The following SCN9A variants were observed in gnomAD, a reference collection of about 807,000 sequenced individuals.
SCN9A encodes sodium voltage-gated channel alpha subunit 9, also known as sodium channel protein type 9 subunit alpha.
Under a neutral mutation model 187.0 loss-of-function variants are expected in SCN9A, and 131 were observed. The ratio of observed to expected loss-of-function variants is 0.70; its 90% CI spans 0.61 to 0.81. The LOEUF (loss-of-function observed/expected upper bound fraction) is 0.81. Ranked by LOEUF, SCN9A falls within the 30% of genes least tolerant of loss-of-function variation. The probability of loss-of-function intolerance (pLI) is 0.00; values close to 1 mark genes in which losing one functional copy is unlikely to be tolerated. For synonymous variants in SCN9A, 809 were observed against 808.6 expected (o/e 1.00, Z -0.01); for missense variants, 2,252 against 2,396.6 (o/e 0.94, Z 1.26).
chr2:166,350,005 A>T lies in SCN9A; in HGVS notation c.-51+25692T>A, dbSNP rs549052565. On this transcript the variant is annotated intron_variant, in intron 1 of 26. Transcript: ENST00000642356. ...AAATAAAAAATAAAAAATAAAAAAT[A>T]AAATAAAATTAACATGCTTGGTCTG... Among the ~76,000 whole-genome samples, 698 of 91,378 alleles carry T rather than the reference A, an allele frequency of 7.6e-3. 9 individuals carry two copies. Among genetic ancestry groups the T allele is most frequent in the African/African-American group, 0.033 (666 of 20,298 alleles). 59.9% of individuals were successfully genotyped at this position (91,378 alleles called of 152,430 possible). A position where few individuals can be genotyped will look rare whatever the true frequency, so the allele number is the denominator to read the frequency against.
rs2105227248 is a variant in SCN9A, at chr2:166,311,711, T to G, written c.46A>C (p.Thr16Pro). The stretch of plus-strand genomic sequence containing the variant: ...TCAATGAGGGCAAGAGACTGTTTTG[T>G]GAAATGGACAAAGCTCTGAGGTCCT... Reference protein sequence around the residue: ...PPGPQSFVHFTKQSLALIEQR... With the variant: ...PPGPQSFVHFPKQSLALIEQR... The change falls in exon 2 of 27, where the codon ACA (threonine) becomes CCA (proline). Residue 16 changes from threonine (T) to proline (P), a missense_variant. Thr to Pro is a conservative substitution (Grantham distance 38). Transcript: ENST00000642356. The G allele has an allele frequency of 6.2e-7, 1 of 1,612,010 alleles. No individual in the cohort carries two copies. The highest frequency in any genetic ancestry group is 2.2e-5 in the East Asian group (1 of 44,786).
At chr2:166,223,477 CAG>C (rs896453261) in intron 24 of SCN9A, among the ~76,000 whole-genome samples, 2 of 152,190 alleles carry the variant, frequency 1.3e-5, no homozygotes, top group Non-Finnish European at 2.9e-5. Flanking sequence ...AGTGAAGTAA[CAG>C]AAAAAATATT....
intron 18 of SCN9A, among the ~76,000 whole-genome samples, chr2:166,246,299 T>C: frequency 6.6e-6 from 1 of 151,848 alleles, no homozygotes; most frequent in South Asian, 2.1e-4. Flanking sequence ...ATTCTATACT[T>C]TACATAAACA....
At chr2:166,213,648 T>C (rs1477065674) in intron 24 of SCN9A, among the ~76,000 whole-genome samples, 1 of 152,138 alleles carries the variant, frequency 6.6e-6, no homozygotes, top group Non-Finnish European at 1.5e-5. Flanking sequence ...AGTCATTTTA[T>C]GGGGCCAGAA....
intron 1 of SCN9A, among the ~76,000 whole-genome samples, chr2:166,368,504 AT>A (rs1700471404): frequency 6.6e-6 from 1 of 152,058 alleles, no homozygotes. Context: ...ATGGTGGTAC[AT>A]GCCTGTAATC....
At chr2:166,247,324 T>C (rs1034572225) in intron 18 of SCN9A, among the ~76,000 whole-genome samples, 1 of 151,876 alleles carries the variant, frequency 6.6e-6, no homozygotes, top group Admixed American at 6.6e-5. Context: ...CAAATATAAC[T>C]AAAACAAATA....
chr2:166,284,516 G>A lies in SCN9A; in HGVS notation c.1911C>T (p.Leu637=), dbSNP rs532457688. 6.2e-7 allele frequency: 1 copy of A among 1,614,130 alleles called. No individual in the cohort carries two copies. The highest frequency in any genetic ancestry group is 1.1e-5 in the South Asian group (1 of 91,080). ...GCAGAAGCTGTCCATTGGGGAGCATGAGGGCTGAGCGTCCATCAACCAGGG... is the reference window on the plus strand; with the variant it reads ...GCAGAAGCTGTCCATTGGGGAGCATAAGGGCTGAGCGTCCATCAACCAGGG... ...VVSLVDGRSA[L]MLPNGQLLPE... The change falls in exon 12 of 27, where the codon CTC becomes CTT. Residue 637 remains leucine (L), a synonymous_variant. Coordinates refer to ENST00000642356, the MANE Select transcript of SCN9A (RefSeq NM_001365536.1).
intron 19 of SCN9A, among the ~76,000 whole-genome samples, chr2:166,241,190 T>C (rs1348980976): frequency 6.6e-6 from 1 of 152,124 alleles, no homozygotes; most frequent in Non-Finnish European, 1.5e-5. Flanking sequence ...GTTACAAAGT[T>C]CTTGAGTATT....
At position 166,199,353 on chromosome 2, in the gene SCN9A, A is replaced by C; in HGVS notation, c.5286T>G (p.Asn1762Lys). 2 of 1,614,200 alleles carry C rather than the reference A, an allele frequency of 1.2e-6. No individual in the cohort carries two copies. The highest frequency in any genetic ancestry group is 1.7e-6 in the Non-Finnish European group (2 of 1,180,030). Residue 1762 changes from asparagine to lysine, a missense_variant, in exon 27 of 27, where the codon AAT becomes AAG. Around this residue, in one of 7 missense-constraint regions of SCN9A, gnomAD observed 345 missense variants for 344.6 expected, o/e 1.00. Transcript: ENST00000642356. ...VNMYIAVILENFSVATEESTE... is the reference protein window; with the variant it reads ...VNMYIAVILEKFSVATEESTE... ...TACTTTCTTCAGTGGCAACACTAAA[A>C]TTCTCCAGTATGACTGCAATGTACA... is the stretch of plus-strand genomic sequence containing the variant.
intron 1 of SCN9A, among the ~76,000 whole-genome samples, chr2:166,335,304 G>A (rs1528487): frequency 0.25 from 38,666 of 152,108 alleles, 6,238 homozygotes; most frequent in Non-Finnish European, 0.37. Context: ...TTGCAAACTT[G>A]TGAACTTACA....
intron 1 of SCN9A, among the ~76,000 whole-genome samples, chr2:166,372,246 A>G (rs748419478): frequency 2.8e-4 from 43 of 152,190 alleles, no homozygotes; most frequent in Non-Finnish European, 5.7e-4. Flanking sequence ...AACCTTCCTT[A>G]GAGAATGCTT....
intron 1 of SCN9A, among the ~76,000 whole-genome samples, chr2:166,330,018 A>T (rs1370700589): frequency 6.6e-6 from 1 of 152,192 alleles, no homozygotes; most frequent in African/African-American, 2.4e-5. Flanking sequence ...ATATAGCTTC[A>T]TAAACTCTCT....
In SCN9A at chr2:166,272,820, G is replaced by C. The variant is rs1369602144; in HGVS notation, c.2930C>G (p.Thr977Arg). 6 of 1,518,524 alleles carry C rather than the reference G, an allele frequency of 4.0e-6. No homozygotes were observed. The highest frequency in any genetic ancestry group is 2.3e-5 in the Admixed American group (1 of 44,252). 94.1% of individuals were successfully genotyped at this position (1,518,524 alleles called of 1,614,324 possible). A position where few individuals can be genotyped will look rare whatever the true frequency, so the allele number is the denominator to read the frequency against. The change falls in exon 17 of 27, where the codon ACA becomes AGA. Residue 977 changes from threonine to arginine, a missense_variant. By Grantham distance (71) the Thr-to-Arg change is moderately conservative (BLOSUM62 -1). Transcript: ENST00000642356. The part of the protein sequence containing the change: ...LLSSFSSDNL[T>R]AIEEDPDANN... ...TGCATCAGGGTCTTCTTCAATTGCT[G>C]TAAGATTGTCTGAACTAAATGAGCT...
At chr2:166,259,513 T>C (rs980643063) in intron 17 of SCN9A, among the ~76,000 whole-genome samples, 1 of 151,812 alleles carries the variant, frequency 6.6e-6, no homozygotes, top group Non-Finnish European at 1.5e-5. Context: ...AACAGTTACA[T>C]AATTCTACTC....
Position 166,272,699 on chromosome 2 carries a change from C to T in SCN9A, c.3051G>A (p.Lys1017=). ...GTCTTATCTCCCTGGAAATCTTTGG[C>T]TTTTTGGAAAATGCTTTTAGAATAA... ...REFILKAFSK[K]PKISREIRQA... The change falls in exon 17 of 27, where the codon AAG becomes AAA. Residue 1017 remains lysine (K), a synonymous_variant. Coordinates refer to ENST00000642356, the MANE Select transcript of SCN9A (RefSeq NM_001365536.1). 2 of 1,596,902 alleles carry T rather than the reference C, an allele frequency of 1.3e-6. No homozygotes were observed. The highest frequency in any genetic ancestry group is 2.3e-5 in the South Asian group (2 of 88,086).
intron 1 of SCN9A, among the ~76,000 whole-genome samples, chr2:166,320,469 C>T (rs1699210974): frequency 6.6e-6 from 1 of 152,052 alleles, no homozygotes; most frequent in Admixed American, 6.6e-5. Context: ...ATTTGCAATT[C>T]ATTTTTATTA....
chr2:166,368,962 G>C (rs1463983465), intron 1 of SCN9A, among the ~76,000 whole-genome samples: 1 of 151,576 alleles, frequency 6.6e-6, no homozygotes, highest in Non-Finnish European at 1.5e-5. Flanking sequence ...ACTCCAGCCT[G>C]GGCAACAAGA....
At position 166,356,837 on chromosome 2, in the gene SCN9A, C is replaced by A. The variant is rs74778123; in HGVS notation, c.-51+18860G>T. Among the ~76,000 whole-genome samples, 450 of 152,276 alleles carry A rather than the reference C, an allele frequency of 3.0e-3. 2 individuals are homozygous for A. The highest frequency in any genetic ancestry group is 1.0e-2 in the African/African-American group (415 of 41,548). On this transcript the variant is annotated intron_variant, in intron 1 of 26. Transcript: ENST00000642356. ...AGCAGCTTCATAAAGTCCTATTGTACAGCTGTACCCAAATTATTTAGTCAT... is the reference window on the plus strand; with the variant it reads ...AGCAGCTTCATAAAGTCCTATTGTAAAGCTGTACCCAAATTATTTAGTCAT...
At chr2:166,336,280 T>C (rs367701477) in intron 1 of SCN9A, among the ~76,000 whole-genome samples, 2 of 152,132 alleles carry the variant, frequency 1.3e-5, no homozygotes, top group East Asian at 1.9e-4. Context: ...CGCAGAAAAA[T>C]GGCTCCAACT....
Sources: gnomAD v4.1 joint callset for allele counts (sites outside exome capture counted in the v4.1 genomes callset) on GRCh38, gnomAD v4.1.1 for gene constraint, gnomAD v4.1.1 regional missense constraint, MANE v1.5 for transcripts, NCBI Gene and HGNC (gene_info 2026-07-23, HGNC 2026-07-21) for gene names.